ADGRB3: variants seen among roughly 807,000 people sequenced by gnomAD.
The protein encoded by ADGRB3 is adhesion G protein-coupled receptor B3.
Under a neutral mutation model 193.4 loss-of-function variants are expected in ADGRB3, and 37 were observed. The observed-to-expected ratio is 0.19, with a 90% CI of 0.15 to 0.25. ADGRB3 has a LOEUF of 0.25. ADGRB3 is among the 10% of genes least tolerant of loss of function. ADGRB3 has a pLI of 1.00. For missense variants in ADGRB3, 1,637 were observed against 1,852.9 expected (o/e 0.88, Z 2.14); for synonymous variants, 690 against 644.2 (o/e 1.07, Z -1.08).
chr6:68,672,297 C>A (rs1405088120), intron 3 of ADGRB3, among the ~76,000 whole-genome samples: 1 of 151,396 alleles, frequency 6.6e-6, no homozygotes, highest in African/African-American at 2.4e-5. Flanking sequence ...TTTTCTTCTA[C>A]TAATTTTTGG....
intron 3 of ADGRB3, among the ~76,000 whole-genome samples, chr6:68,794,115 A>G (rs1227777353): frequency 6.6e-6 from 1 of 152,098 alleles, no homozygotes; most frequent in Non-Finnish European, 1.5e-5. Context: ...GTGCTTTCAT[A>G]CTGTCTATAA....
intron 29 of ADGRB3, among the ~76,000 whole-genome samples, chr6:69,371,740 G>A (rs1769712093): frequency 6.6e-6 from 1 of 151,970 alleles, no homozygotes; most frequent in African/African-American, 2.4e-5. Flanking sequence ...GTTTAACAAA[G>A]GTGGAGCCAC....
intron 3 of ADGRB3, among the ~76,000 whole-genome samples, chr6:68,888,220 C>A (rs1184721209): frequency 6.6e-6 from 1 of 152,134 alleles, no homozygotes; most frequent in African/African-American, 2.4e-5. Context: ...ATGCACAGCA[C>A]TGATAATCAC....
At chr6:69,182,195 A>C (rs1021242569) in intron 17 of ADGRB3, among the ~76,000 whole-genome samples, 6 of 152,182 alleles carry the variant, frequency 3.9e-5, no homozygotes, top group Non-Finnish European at 8.8e-5. Context: ...GTGATGCAAA[A>C]ATCATAAGTA....
In ADGRB3 at chr6:69,031,108, T is replaced by C. The variant is rs564058052; in HGVS notation, c.2107+12609T>C. ...TCTCTTCTCTTCTCTTCTCTTCTCT[T>C]CTCTTCTCTCTCTTCTCTCTGTCTC... On this transcript the variant is annotated intron_variant, in intron 13 of 31. Coordinates refer to ENST00000370598, the MANE Select transcript of ADGRB3 (RefSeq NM_001704.3). Among the ~76,000 whole-genome samples, 77 of 70,514 alleles carry C rather than the reference T, an allele frequency of 1.1e-3. 2 individuals are homozygous for C. Among genetic ancestry groups the C allele is most frequent in the African/African-American group, 3.9e-3 (72 of 18,694 alleles). 46.3% of individuals were successfully genotyped at this position (70,514 alleles called of 152,430 possible). A position where few individuals can be genotyped will look rare whatever the true frequency, so the allele number is the denominator to read the frequency against.
intron 12 of ADGRB3, among the ~76,000 whole-genome samples, chr6:69,017,232 CAT>C (rs1457271669): frequency 2.6e-5 from 4 of 151,920 alleles, no homozygotes; most frequent in Non-Finnish European, 4.4e-5. Flanking sequence ...TTGAAATACA[CAT>C]GTGCCTGCTA....
intron 3 of ADGRB3, among the ~76,000 whole-genome samples, chr6:68,747,087 T>C (rs1766099748): frequency 6.6e-6 from 1 of 152,194 alleles, no homozygotes; most frequent in Non-Finnish European, 1.5e-5. Flanking sequence ...GAAATAAAAT[T>C]ACCTTCATTG....
At chr6:68,824,220 C>A (rs982032511) in intron 3 of ADGRB3, among the ~76,000 whole-genome samples, 1 of 69,812 alleles carries the variant, frequency 1.4e-5, no homozygotes, top group South Asian at 4.2e-4. Flanking sequence ...GTCTCTTAAA[C>A]TTTTATTTCT....
At chr6:69,370,379 A>G (rs772599554) in intron 29 of ADGRB3, among the ~76,000 whole-genome samples, 1 of 152,046 alleles carries the variant, frequency 6.6e-6, no homozygotes, top group Non-Finnish European at 1.5e-5. Context: ...TCTAATTTTT[A>G]AGGCTTTACT....
chr6:68,858,840 T>A (rs1765068518), intron 3 of ADGRB3, among the ~76,000 whole-genome samples: 1 of 152,076 alleles, frequency 6.6e-6, no homozygotes, highest in South Asian at 2.1e-4. Context: ...ACAAAACCAT[T>A]GTTTTCTCCT....
At chr6:68,907,486 G>A (rs1582304277) in intron 3 of ADGRB3, among the ~76,000 whole-genome samples, 1 of 151,796 alleles carries the variant, frequency 6.6e-6, no homozygotes, top group South Asian at 2.1e-4. Flanking sequence ...TGCCTTTAGA[G>A]TTTCATCACT....
At chr6:68,948,811 A>G (rs544883717) in intron 6 of ADGRB3, among the ~76,000 whole-genome samples, 7 of 152,242 alleles carry the variant, frequency 4.6e-5, no homozygotes, top group African/African-American at 1.7e-4. Flanking sequence ...TTCTATTGGT[A>G]AATAAGTCTT....
rs368087283 is a variant in ADGRB3, at chr6:68,686,362, C to T, written c.757+46930C>T. ...CCATCCTTAAAAACTGTTGCCATGA[C>T]CTTTGCTCTTGACTGATCCATTTTT... On this transcript the variant is annotated intron_variant, in intron 3 of 31. Coordinates refer to ENST00000370598, the MANE Select transcript of ADGRB3 (RefSeq NM_001704.3). 2.0e-5 allele frequency among the ~76,000 whole-genome samples: 3 copies of T among 152,162 alleles called. No homozygotes were observed. In the South Asian group the frequency reaches 6.2e-4, roughly 32 times the overall value.
intron 17 of ADGRB3, among the ~76,000 whole-genome samples, chr6:69,109,476 A>G (rs1773306839): frequency 6.6e-6 from 1 of 152,240 alleles, no homozygotes; most frequent in African/African-American, 2.4e-5. Context: ...AGCAATGATA[A>G]GAAGTAATAC....
At chr6:68,773,775 A>T (rs1242910315) in intron 3 of ADGRB3, among the ~76,000 whole-genome samples, 2 of 152,148 alleles carry the variant, frequency 1.3e-5, no homozygotes, top group Non-Finnish European at 2.9e-5. Context: ...TAAGACTAGA[A>T]ATGGGACCTG....
chr6:69,047,574 A>G lies in ADGRB3; in HGVS notation c.2108-611A>G, dbSNP rs956922834. On this transcript the variant is annotated intron_variant, in intron 13 of 31. Coordinates refer to ENST00000370598, the MANE Select transcript of ADGRB3 (RefSeq NM_001704.3). Reference sequence around the variant, plus strand: ...TTAGAGAGAAGTTTTAAGAATTATTATTAATCTATTTGATCACTATTTCTA... The same window carrying G: ...TTAGAGAGAAGTTTTAAGAATTATTGTTAATCTATTTGATCACTATTTCTA... 3.3e-5 allele frequency among the ~76,000 whole-genome samples: 5 copies of G among 151,962 alleles called. No individual in the cohort carries two copies. In the South Asian group the frequency reaches 1.0e-3, roughly 31 times the overall value.
At chr6:68,687,071 A>G (rs953531903) in intron 3 of ADGRB3, among the ~76,000 whole-genome samples, 6 of 152,054 alleles carry the variant, frequency 3.9e-5, no homozygotes, top group African/African-American at 1.4e-4. Context: ...TGGATCTTCT[A>G]TGTATCATAT....
At chr6:69,098,973 A>T (rs1772959430) in intron 17 of ADGRB3, among the ~76,000 whole-genome samples, 2 of 152,240 alleles carry the variant, frequency 1.3e-5, no homozygotes, top group African/African-American at 4.8e-5. Flanking sequence ...ATTCTTAGTT[A>T]AAATTAATTT....
rs148533029 is a variant in ADGRB3, at chr6:69,346,474, A to G, written c.3459+6970A>G. The stretch of plus-strand genomic sequence containing the variant: ...TCTATCCAACTGACAGAGGGCTAAT[A>G]TCCAGAATCTACAAGGAACTTAAAC... On this transcript the variant is annotated intron_variant, in intron 26 of 31. Coordinates refer to ENST00000370598, the MANE Select transcript of ADGRB3 (RefSeq NM_001704.3). 3.9e-5 allele frequency among the ~76,000 whole-genome samples: 6 copies of G among 152,352 alleles called. No homozygotes were observed. The East Asian group carries it at 1.2e-3, about 29-fold the overall frequency.
Sources: allele counts gnomAD v4.1 joint callset (sites outside exome capture counted in the v4.1 genomes callset), GRCh38; gene constraint gnomAD v4.1.1; transcripts MANE v1.5; gene names NCBI Gene and HGNC (gene_info 2026-07-23, HGNC 2026-07-21).